NEURL1B: variants seen among roughly 807,000 people sequenced by gnomAD.
NEURL1B encodes neuralized E3 ubiquitin protein ligase 1B.
A neutral mutation model predicts 37.4 loss-of-function variants in NEURL1B; 13 were observed. The observed-to-expected ratio is 0.35, with a 90% CI of 0.23 to 0.55. The LOEUF (loss-of-function observed/expected upper bound fraction) is 0.55, where lower values mean the gene tolerates loss of function less well. NEURL1B is among the 20% of genes least tolerant of loss of function. The pLI, the probability that NEURL1B is intolerant of heterozygous loss-of-function variation, is 0.89. For synonymous variants in NEURL1B, 432 were observed against 426.6 expected (o/e 1.01, Z -0.16); for missense variants, 790 against 879.2 (o/e 0.90, Z 1.28).
chr5:172,687,941 C>G lies in NEURL1B; in HGVS notation c.*1016C>G, dbSNP rs1758546793. The G allele has an allele frequency of 6.6e-6, 1 of 152,496 alleles. No homozygotes were observed. Among genetic ancestry groups the G allele is most frequent in the Non-Finnish European group, 1.5e-5 (1 of 68,070 alleles). 9.4% of individuals were successfully genotyped at this position (152,496 alleles called of 1,614,324 possible). ...AGGAGGAGGAACGAGGGCTTTATAACTTTGGTTATAACTTTTGGTCTTTGT... is the reference window on the plus strand; with the variant it reads ...AGGAGGAGGAACGAGGGCTTTATAAGTTTGGTTATAACTTTTGGTCTTTGT... On this transcript the variant is annotated 3_prime_UTR_variant, in exon 5 of 5. Transcript: ENST00000369800.
chr5:172,663,453 G>A (rs1461265575), intron 1 of NEURL1B, among the ~76,000 whole-genome samples: 9 of 150,160 alleles, frequency 6.0e-5, no homozygotes, highest in Non-Finnish European at 1.2e-4. Context: ...CCCGGGAGGC[G>A]GATGTTGCAG....
chr5:172,684,244 A>G (rs1758436473), intron 3 of NEURL1B, 106 bp downstream of exon 3: 3 of 985,552 alleles, frequency 3.0e-6, no homozygotes, highest in East Asian at 4.0e-5. Context: ...TAGGCGCTGC[A>G]CCGCCCGAGG....
At position 172,669,886 on chromosome 5, in the gene NEURL1B, G is replaced by A. The variant is rs1343514383; in HGVS notation, c.133G>A (p.Ala45Thr). 6.9e-7 allele frequency: 1 copy of A among 1,442,532 alleles called. No homozygotes were observed. Among genetic ancestry groups the A allele is most frequent in the South Asian group, 1.4e-5 (1 of 71,018 alleles). The allele number at this position is 1,442,532 out of a possible 1,614,324, so 89.4% of individuals were successfully genotyped here. The change falls in exon 2 of 5, where the codon GCC becomes ACC. Residue 45 changes from alanine (A) to threonine (T), a missense_variant. By Grantham distance (58) the Ala-to-Thr change is moderately conservative (BLOSUM62 0). This residue lies in a region of NEURL1B where 215 missense variants were observed against 309.2 expected (regional missense o/e 0.70). Transcript: ENST00000369800. ...CGAGGCGCCGCGCTTCCACGCGCAG[G>A]CCAAAGGCAAGAACGTGCGGCTGGA... ...LGEAPRFHAQAKGKNVRLDGH... is the reference protein window; with the variant it reads ...LGEAPRFHAQTKGKNVRLDGH...
Position 172,641,542 on chromosome 5 carries a change from GC to G in NEURL1B, c.31+106del. On this transcript the variant is annotated intron_variant, in intron 1 of 4. Coordinates refer to ENST00000369800, the MANE Select transcript of NEURL1B (RefSeq NM_001142651.3). This position sits in a 1 kb window ranked among gnomAD's most constrained non-coding sequence, Gnocchi z 6.4. ...TACCCCACGGCCCTTGGAGCCCTCG[GC>G]TCGCAGCGGGCTGGAGTCTCCGGTA... is the stretch of plus-strand genomic sequence containing the variant. 1 of 1,020,708 alleles carries G rather than the reference GC, an allele frequency of 9.8e-7. No individual in the cohort carries two copies. Among genetic ancestry groups the G allele is most frequent in the Non-Finnish European group, 1.3e-6 (1 of 792,860 alleles). 63.2% of individuals were successfully genotyped at this position (1,020,708 alleles called of 1,614,324 possible).
In NEURL1B at chr5:172,691,360, C is replaced by A. The variant is rs1369399757; in HGVS notation, c.*4435C>A. The A allele has an allele frequency of 6.6e-6, 1 of 152,180 alleles. No homozygotes were observed. The highest frequency in any genetic ancestry group is 6.5e-5 in the Admixed American group (1 of 15,278). 9.4% of individuals were successfully genotyped at this position (152,180 alleles called of 1,614,324 possible). ...TGTGACCTCTCCGATACAGTCTAAT[C>A]CTTGGGGATCTGTAATCAAGGTTTT... On this transcript the variant is annotated 3_prime_UTR_variant, in exon 5 of 5. Coordinates refer to ENST00000369800, the MANE Select transcript of NEURL1B (RefSeq NM_001142651.3).
intron 1 of NEURL1B, among the ~76,000 whole-genome samples, chr5:172,644,410 C>T (rs1260788402): frequency 6.6e-6 from 1 of 152,128 alleles, no homozygotes; most frequent in South Asian, 2.1e-4. Context: ...CCTCCCAGCC[C>T]GTGATTTAGA....
intron 1 of NEURL1B, among the ~76,000 whole-genome samples, chr5:172,646,327 T>A (rs971881921): frequency 6.6e-6 from 1 of 152,164 alleles, no homozygotes; most frequent in African/African-American, 2.4e-5. Context: ...AAAGTGAGTG[T>A]TCAACAAATG....
At chr5:172,671,763 G>A (rs1758133491) in intron 2 of NEURL1B, among the ~76,000 whole-genome samples, 1 of 152,338 alleles carries the variant, frequency 6.6e-6, no homozygotes, top group Non-Finnish European at 1.5e-5. Flanking sequence ...CCCTGGCCTG[G>A]GATTCTTGAT....
intron 1 of NEURL1B, chr5:172,656,692 T>G: frequency 6.9e-7 from 1 of 1,457,542 alleles, no homozygotes. Flanking sequence ...GGCTTCTTCT[T>G]GCCACCTTCG....
At chr5:172,672,540 T>TCC (rs9313602) in intron 2 of NEURL1B, among the ~76,000 whole-genome samples, 36,260 of 134,920 alleles carry the variant, frequency 0.27, 5,108 homozygotes, top group East Asian at 0.43. Flanking sequence ...AGGTGAACTC[T>TCC]CCCCCCCCCA....
rs1330525348 is a variant in NEURL1B at position 172,665,937 on chromosome 5, G to A, written c.32-3848G>A. On this transcript the variant is annotated intron_variant, in intron 1 of 4. Coordinates refer to ENST00000369800, the MANE Select transcript of NEURL1B (RefSeq NM_001142651.3). The surrounding 1 kb of genome is among the most constrained non-coding windows in gnomAD (Gnocchi z 4.1). ...GAGACTCAGATCTCCACGAAGGCAG[G>A]ATGTGTGTGATCTGCAGAAAGAATA... Among the ~76,000 whole-genome samples the A allele has an allele frequency of 6.6e-6, 1 of 152,196 alleles. No individual in the cohort carries two copies. Among genetic ancestry groups the A allele is most frequent in the Non-Finnish European group, 1.5e-5 (1 of 68,040 alleles).
chr5:172,683,897 C>G lies in NEURL1B; in HGVS notation c.1056C>G (p.Pro352=). The change falls in exon 3 of 5, where the codon CCC becomes CCG. Residue 352 remains proline, a synonymous_variant. Transcript: ENST00000369800. The surrounding 1 kb of genome is among the most constrained non-coding windows in gnomAD (Gnocchi z 5.6). ...ITSCDPGVLR[P]NELPADPDAL... ...CGTGCGACCCGGGCGTGCTACGGCC[C>G]AACGAGCTGCCCGCCGACCCAGACG... The G allele has an allele frequency of 7.1e-7, 1 of 1,415,514 alleles. No homozygotes were observed. The highest frequency in any genetic ancestry group is 9.3e-7 in the Non-Finnish European group (1 of 1,079,934). The allele number at this position is 1,415,514 out of a possible 1,614,324, so 87.7% of individuals were successfully genotyped here.
In NEURL1B at chr5:172,661,432, TGCCTTGAAGAAGGGGTGGG is replaced by T. The variant is rs1340672106; in HGVS notation, c.32-8351_32-8333del. Among the ~76,000 whole-genome samples the T allele has an allele frequency of 6.6e-6, 1 of 152,204 alleles. No homozygotes were observed. The highest frequency in any genetic ancestry group is 2.4e-5 in the African/African-American group (1 of 41,446). Reference sequence around the variant, plus strand: ...CCGCCAACCCAAAAGTTATGGCAGCTGCCTTGAAGAAGGGGTGGGGTGGAAGAAAGGGCATGAGCCTGGT... The same window carrying T: ...CCGCCAACCCAAAAGTTATGGCAGCTGTGGAAGAAAGGGCATGAGCCTGGT... On this transcript the variant is annotated intron_variant, in intron 1 of 4. Coordinates refer to ENST00000369800, the MANE Select transcript of NEURL1B (RefSeq NM_001142651.3). The surrounding 1 kb of genome is among the most constrained non-coding windows in gnomAD (Gnocchi z 4.0).
chr5:172,648,023 G>A (rs1410931374), intron 1 of NEURL1B, among the ~76,000 whole-genome samples: 1 of 152,166 alleles, frequency 6.6e-6, no homozygotes, highest in African/African-American at 2.4e-5. Context: ...GTGAGGGTGA[G>A]AGCCCTTTGT....
chr5:172,682,205 C>T (rs1758366935), intron 2 of NEURL1B, among the ~76,000 whole-genome samples: 2 of 152,202 alleles, frequency 1.3e-5, no homozygotes, highest in African/African-American at 2.4e-5. Flanking sequence ...GCTTTTTTAC[C>T]TATGTCATAT....
At chr5:172,668,488 C>G (rs73803482) in intron 1 of NEURL1B, among the ~76,000 whole-genome samples, 1,941 of 152,270 alleles carry the variant, frequency 0.013, 40 homozygotes, top group African/African-American at 0.044. Context: ...TTTGCCTCAT[C>G]ATTGCCTCTC....
Position 172,688,701 on chromosome 5 carries a change from G to C in NEURL1B, c.*1776G>C, listed in dbSNP as rs1395159434. On this transcript the variant is annotated 3_prime_UTR_variant, in exon 5 of 5. Coordinates refer to ENST00000369800, the MANE Select transcript of NEURL1B (RefSeq NM_001142651.3). This position sits in a 1 kb window ranked among gnomAD's most constrained non-coding sequence, Gnocchi z 4.3. Reference sequence around the variant, plus strand: ...ATTTACTTTTCCCTAGAAAATCTGGGGAAATTCCCACATTTTAATTTTGCA... The same window carrying C: ...ATTTACTTTTCCCTAGAAAATCTGGCGAAATTCCCACATTTTAATTTTGCA... The C allele has an allele frequency of 6.6e-6, 1 of 152,230 alleles. No homozygotes were observed. Among genetic ancestry groups the C allele is most frequent in the Non-Finnish European group, 1.5e-5 (1 of 68,060 alleles). 9.4% of individuals were successfully genotyped at this position (152,230 alleles called of 1,614,324 possible). A position where few individuals can be genotyped will look rare whatever the true frequency, so the allele number is the denominator to read the frequency against.
Position 172,669,768 on chromosome 5 carries a change from C to T in NEURL1B, c.32-17C>T. ...GTTCGGAGGAGGCCTAACCGTGCTGCCTGTGTCTTTCCGCAGACCCGAGCC... is the reference window on the plus strand; with the variant it reads ...GTTCGGAGGAGGCCTAACCGTGCTGTCTGTGTCTTTCCGCAGACCCGAGCC... On this transcript the variant is annotated splice_polypyrimidine_tract_variant and intron_variant, in intron 1 of 4. Coordinates refer to ENST00000369800, the MANE Select transcript of NEURL1B (RefSeq NM_001142651.3). 1 of 1,252,234 alleles carries T rather than the reference C, an allele frequency of 8.0e-7. No homozygotes were observed. The highest frequency in any genetic ancestry group is 1.0e-6 in the Non-Finnish European group (1 of 989,268). The allele number at this position is 1,252,234 out of a possible 1,614,324, so 77.6% of individuals were successfully genotyped here. A position where few individuals can be genotyped will look rare whatever the true frequency, so the allele number is the denominator to read the frequency against.
Position 172,683,865 on chromosome 5 carries a change from A to G in NEURL1B, c.1024A>G (p.Ile342Val). The G allele has an allele frequency of 7.2e-7, 1 of 1,386,784 alleles. No homozygotes were observed. Among genetic ancestry groups the G allele is most frequent in the African/African-American group, 1.5e-5 (1 of 65,798 alleles). 85.9% of individuals were successfully genotyped at this position (1,386,784 alleles called of 1,614,324 possible). ...LAAPGALAFGITSCDPGVLRP... is the reference protein window; with the variant it reads ...LAAPGALAFGVTSCDPGVLRP... ...GGCGCCCGGCGCGCTGGCCTTCGGC[A>G]TCACGTCGTGCGACCCGGGCGTGCT... is the stretch of plus-strand genomic sequence containing the variant. The change falls in exon 3 of 5, where the codon ATC becomes GTC. Residue 342 changes from isoleucine to valine, a missense_variant. Physicochemically the swap from Ile to Val is conservative, Grantham distance 29. This residue lies in a region of NEURL1B where 460 missense variants were observed against 407.4 expected (regional missense o/e 1.13). Coordinates refer to ENST00000369800, the MANE Select transcript of NEURL1B (RefSeq NM_001142651.3). This position sits in a 1 kb window ranked among gnomAD's most constrained non-coding sequence, Gnocchi z 5.6.
Sources: allele counts gnomAD v4.1 joint callset (sites outside exome capture counted in the v4.1 genomes callset), GRCh38; gene constraint gnomAD v4.1.1; regional missense constraint gnomAD v4.1.1; non-coding constraint Gnocchi (gnomAD v3.1); transcripts MANE v1.5; gene names NCBI Gene and HGNC (gene_info 2026-07-23, HGNC 2026-07-21).